ADAMTSL1: variants seen among roughly 807,000 people sequenced by gnomAD.
ADAMTSL1 encodes ADAMTS-like protein 1.
Under a neutral mutation model 201.8 loss-of-function variants are expected in ADAMTSL1, and 126 were observed. The ratio of observed to expected loss-of-function variants is 0.62; its 90% CI spans 0.54 to 0.72. ADAMTSL1 has a LOEUF of 0.72. Ranked by LOEUF, ADAMTSL1 falls within the 30% of genes least tolerant of loss-of-function variation. ADAMTSL1 has a pLI of 0.00. For missense variants in ADAMTSL1, 2,679 were observed against 2,277.8 expected, an observed-to-expected ratio of 1.18 and a Z score of -3.59; for synonymous variants, 1,121 against 903.4, an observed-to-expected ratio of 1.24 and a Z score of -4.32.
intron 23 of ADAMTSL1, among the ~76,000 whole-genome samples, chr9:18,870,016 T>A (rs2131457383): frequency 6.6e-6 from 1 of 152,306 alleles, no homozygotes; most frequent in South Asian, 2.1e-4. Flanking sequence ...CCAGCTCTAA[T>A]CTTCTGTTAA....
chr9:18,623,860 T>G (rs1826189524), intron 5 of ADAMTSL1, among the ~76,000 whole-genome samples: 1 of 152,228 alleles, frequency 6.6e-6, no homozygotes, highest in Admixed American at 6.5e-5. Flanking sequence ...GAAATGAGAA[T>G]GAATATCTTT....
At chr9:18,613,500 G>C (rs146220149) in intron 4 of ADAMTSL1, among the ~76,000 whole-genome samples, 1 of 152,156 alleles carries the variant, frequency 6.6e-6, no homozygotes. Context: ...AAGGAAATGT[G>C]GTAAAGAAAC....
At chr9:18,409,290 G>A (rs943709437) in intron 2 of ADAMTSL1, among the ~76,000 whole-genome samples, 1 of 150,628 alleles carries the variant, frequency 6.6e-6, no homozygotes, top group Non-Finnish European at 1.5e-5. Context: ...GGCTGAAGTG[G>A]GAGAATCGCT....
chr9:18,350,674 C>A (rs1835927980), intron 2 of ADAMTSL1, among the ~76,000 whole-genome samples: 1 of 152,114 alleles, frequency 6.6e-6, no homozygotes, highest in Non-Finnish European at 1.5e-5. Context: ...CACTGGAAAT[C>A]ATCACAAAAT....
chr9:18,555,363 C>G (rs1187646852), intron 3 of ADAMTSL1, among the ~76,000 whole-genome samples: 1 of 151,844 alleles, frequency 6.6e-6, no homozygotes, highest in Non-Finnish European at 1.5e-5. Flanking sequence ...TCCTTGCCAG[C>G]CCAGCTGTGT....
chr9:18,691,590 C>T (rs1831218346), intron 13 of ADAMTSL1, among the ~76,000 whole-genome samples: 1 of 152,218 alleles, frequency 6.6e-6, no homozygotes, highest in African/African-American at 2.4e-5. Flanking sequence ...GGGTGAGTCT[C>T]TGTATTTGTA....
chr9:18,338,604 G>T (rs1835345143), intron 2 of ADAMTSL1, among the ~76,000 whole-genome samples: 2 of 151,978 alleles, frequency 1.3e-5, no homozygotes, highest in African/African-American at 2.4e-5. Flanking sequence ...ATGCCACCTT[G>T]CCCAGCTTAT....
At chr9:18,655,808 A>AAAAAAAAAAAAAAAAAAT (rs1828611131) in intron 7 of ADAMTSL1, among the ~76,000 whole-genome samples, 1 of 12,012 alleles carries the variant, frequency 8.3e-5, no homozygotes, top group Non-Finnish European at 3.9e-4. Context: ...TGTGAGCTTA[A>AAAAAAAAAAAAAAAAAAT]AAAAAAAAAA....
chr9:18,465,190 T>A (rs182069780), intron 2 of ADAMTSL1, among the ~76,000 whole-genome samples: 2 of 152,188 alleles, frequency 1.3e-5, no homozygotes, highest in African/African-American at 2.4e-5. Context: ...AAGGCAGTTC[T>A]CCCAGAGGCC....
chr9:18,722,759 T>C (rs905574944), intron 15 of ADAMTSL1, among the ~76,000 whole-genome samples: 24 of 152,170 alleles, frequency 1.6e-4, no homozygotes, highest in Non-Finnish European at 3.5e-4. Context: ...GGGCAACTCA[T>C]GCTATATTCT....
chr9:18,257,195 A>G lies in ADAMTSL1; in HGVS notation c.207+93214A>G, dbSNP rs373622012. Among the ~76,000 whole-genome samples, 429 of 152,332 alleles carry G rather than the reference A, an allele frequency of 2.8e-3. 4 individuals are homozygous for G. Among genetic ancestry groups the G allele is most frequent in the African/African-American group, 9.4e-3 (391 of 41,582 alleles). On this transcript the variant is annotated intron_variant, in intron 2 of 29. Coordinates refer to the ADAMTSL1 transcript ENST00000680146. Reference sequence around the variant, plus strand: ...TCACAACACAATTCTTTAAATTTTCATATTTGAAATTTTTCATAAAAATGT... The same window carrying G: ...TCACAACACAATTCTTTAAATTTTCGTATTTGAAATTTTTCATAAAAATGT...
At chr9:18,086,295 T>A (rs769661401) in intron 1 of ADAMTSL1, among the ~76,000 whole-genome samples, 2 of 152,174 alleles carry the variant, frequency 1.3e-5, no homozygotes, top group African/African-American at 2.4e-5. Flanking sequence ...GAGGAAGCCT[T>A]CAAGCATTTG....
chr9:18,687,185 A>T (rs1340578888), intron 13 of ADAMTSL1, among the ~76,000 whole-genome samples: 1 of 152,226 alleles, frequency 6.6e-6, no homozygotes, highest in Non-Finnish European at 1.5e-5. Flanking sequence ...ATTTTAATAC[A>T]CTTTATGTGT....
At chr9:18,128,610 C>T (rs1376748268) in intron 1 of ADAMTSL1, among the ~76,000 whole-genome samples, 2 of 152,084 alleles carry the variant, frequency 1.3e-5, no homozygotes, top group African/African-American at 2.4e-5. Flanking sequence ...AGTGCCTGGC[C>T]CGACAGTTTG....
intron 1 of ADAMTSL1, among the ~76,000 whole-genome samples, chr9:18,028,020 C>G (rs574035987): frequency 6.6e-6 from 1 of 151,984 alleles, no homozygotes; most frequent in African/African-American, 2.4e-5. Context: ...TTATCTGATA[C>G]AAGAATAGTG....
chr9:18,638,534 C>G (rs1448152709), intron 6 of ADAMTSL1, among the ~76,000 whole-genome samples: 1 of 152,108 alleles, frequency 6.6e-6, no homozygotes, highest in Non-Finnish European at 1.5e-5. Context: ...CCAGCATGCT[C>G]TGATTTTCTA....
At chr9:17,992,460 G>A (rs1472279411) in intron 1 of ADAMTSL1, among the ~76,000 whole-genome samples, 1 of 151,742 alleles carries the variant, frequency 6.6e-6, no homozygotes, top group African/African-American at 2.4e-5. Flanking sequence ...TGCCAACTTT[G>A]TTTCTTTTCA....
At chr9:17,947,343 A>ACACC (rs1307383864) in intron 1 of ADAMTSL1, among the ~76,000 whole-genome samples, 3 of 146,916 alleles carry the variant, frequency 2.0e-5, no homozygotes, top group African/African-American at 5.1e-5. Flanking sequence ...ACACACACAC[A>ACACC]CACCCCACTA....
intron 9 of ADAMTSL1, among the ~76,000 whole-genome samples, chr9:18,665,252 A>T (rs1029161354): frequency 6.6e-6 from 1 of 152,082 alleles, no homozygotes; most frequent in Non-Finnish European, 1.5e-5. Context: ...CCTGATATCC[A>T]CTTTTTGTGT....
Sources: allele counts gnomAD v4.1 joint callset (sites outside exome capture counted in the v4.1 genomes callset), GRCh38; gene constraint gnomAD v4.1.1; transcripts MANE v1.5; gene names NCBI Gene and HGNC (gene_info 2026-07-23, HGNC 2026-07-21).